Variants in KLRG2 observed in about 807,000 individuals in gnomAD.
KLRG2 encodes the protein killer cell lectin-like receptor subfamily G member 2.
Under a neutral mutation model 35.4 loss-of-function variants are expected in KLRG2, and 39 were observed. The observed-to-expected ratio is 1.10, with a 90% confidence interval of 0.85 to 1.44. KLRG2 has a LOEUF of 1.44. Ranked by LOEUF, KLRG2 falls within the 40% of genes most tolerant of loss-of-function variation. The pLI, the probability that KLRG2 is intolerant of heterozygous loss-of-function variation, is 0.00. For missense variants in KLRG2, 632 were observed against 570.9 expected (o/e 1.11, Z -1.09); for synonymous variants, 283 against 265.8 (o/e 1.06, Z -0.63).
intron 3 of KLRG2, among the ~76,000 whole-genome samples, chr7:139,468,999 C>T (rs1338104306): frequency 1.3e-5 from 2 of 152,136 alleles, no homozygotes; most frequent in Non-Finnish European, 1.5e-5. Context: ...AGAAGGGCCA[C>T]TACCTGAAAG....
At position 139,483,119 on chromosome 7, in the gene KLRG2, G is replaced by A. The variant is rs1390722091; in HGVS notation, c.524C>T (p.Ala175Val). 2 of 1,477,718 alleles carry A rather than the reference G, an allele frequency of 1.4e-6. No individual in the cohort carries two copies. The highest frequency in any genetic ancestry group is 2.9e-5 in the East Asian group (1 of 34,124). 91.5% of individuals were successfully genotyped at this position (1,477,718 alleles called of 1,614,324 possible). Reference sequence around the variant, plus strand: ...GCCCCACGTGCCGCCCTGGGATGGTGCGCGCAGCAGGAGCTGGTGCGCCGG... The same window carrying A: ...GCCCCACGTGCCGCCCTGGGATGGTACGCGCAGCAGGAGCTGGTGCGCCGG... ...ADPAHQLLLR[A>V]PSQGGTWGRR... The change falls in exon 1 of 5, where the codon GCA becomes GTA. Residue 175 changes from alanine (A) to valine (V), a missense_variant. Ala to Val is a moderately conservative substitution (Grantham distance 64). Coordinates refer to ENST00000340940, the MANE Select transcript of KLRG2 (RefSeq NM_198508.4).
chr7:139,473,018 G>A (rs1273117120), intron 3 of KLRG2, among the ~76,000 whole-genome samples: 4 of 152,182 alleles, frequency 2.6e-5, no homozygotes, highest in African/African-American at 7.2e-5. Flanking sequence ...GCGGTGGCTC[G>A]CGCCTGTAAT....
intron 3 of KLRG2, among the ~76,000 whole-genome samples, chr7:139,466,142 C>G (rs1376296141): frequency 6.6e-6 from 1 of 152,188 alleles, no homozygotes. Context: ...TTCAGGCCCC[C>G]TCCCTTCCCT....
intron 3 of KLRG2, among the ~76,000 whole-genome samples, chr7:139,462,821 C>G (rs1400920354): frequency 6.6e-6 from 1 of 151,094 alleles, no homozygotes; most frequent in Non-Finnish European, 1.5e-5. Context: ...AATCTTGCTT[C>G]TTTCCCTCCC....
chr7:139,433,176 C>G, the KLRG2 span, among the ~76,000 whole-genome samples: 41 of 152,168 alleles, frequency 2.7e-4, no homozygotes, highest in Admixed American at 2.7e-3. Flanking sequence ...ACCAGACTTT[C>G]ACTCAGTCTC....
the KLRG2 span, among the ~76,000 whole-genome samples, chr7:139,438,340 TC>T: frequency 6.6e-6 from 1 of 152,194 alleles, no homozygotes; most frequent in South Asian, 2.1e-4. Flanking sequence ...CAAGTGATCC[TC>T]CCACCTGAGT....
intron 3 of KLRG2, among the ~76,000 whole-genome samples, chr7:139,473,513 G>A (rs949424686): frequency 1.3e-5 from 2 of 151,996 alleles, no homozygotes; most frequent in African/African-American, 4.8e-5. Context: ...CTGTAATTTA[G>A]TACTTTACTC....
Position 139,483,645 on chromosome 7 carries a change from C to G in KLRG2, c.-3G>C, listed in dbSNP as rs1283719157. 2.7e-6 allele frequency: 4 copies of G among 1,498,500 alleles called. No individual in the cohort carries two copies. The highest frequency in any genetic ancestry group is 2.6e-5 in the East Asian group (1 of 38,870). The allele number at this position is 1,498,500 out of a possible 1,614,324, so 92.8% of individuals were successfully genotyped here. On this transcript the variant is annotated 5_prime_UTR_variant, in exon 1 of 5. Transcript: ENST00000340940. ...GCAGCCTCCCAAGACTCCTCCATCC[C>G]GCGCGCCCCGCCACCCGGAGACGCT...
downstream of KLRG2, among the ~76,000 whole-genome samples, chr7:139,449,731 C>A (rs1429321585): frequency 7.3e-6 from 1 of 136,546 alleles, no homozygotes; most frequent in African/African-American, 2.8e-5. Flanking sequence ...ACGGAGTCTC[C>A]CTCTGTCACC....
intron 1 of KLRG2, among the ~76,000 whole-genome samples, chr7:139,481,859 G>A (rs1180252949): frequency 6.6e-6 from 1 of 151,888 alleles, no homozygotes; most frequent in South Asian, 2.1e-4. Flanking sequence ...TCCAGGAGGC[G>A]AAGGTTGCAG....
At chr7:139,441,566 G>C in the KLRG2 span, among the ~76,000 whole-genome samples, 1 of 151,876 alleles carries the variant, frequency 6.6e-6, no homozygotes, top group Non-Finnish European at 1.5e-5. Context: ...ATAAACCTAT[G>C]TAACAAACCT....
intron 3 of KLRG2, among the ~76,000 whole-genome samples, chr7:139,454,525 G>A (rs376320584): frequency 6.6e-5 from 10 of 152,160 alleles, no homozygotes; most frequent in African/African-American, 2.4e-4. Context: ...CTCAGAAAGC[G>A]AGGGAGGTGG....
downstream of KLRG2, among the ~76,000 whole-genome samples, chr7:139,452,239 A>T (rs889086543): frequency 6.6e-6 from 1 of 151,662 alleles, no homozygotes; most frequent in East Asian, 1.9e-4. Context: ...GCCTCCCAAA[A>T]TGCTGGGATT....
downstream of KLRG2, chr7:139,452,657 G>A (rs1796393360): frequency 1.3e-5 from 2 of 152,342 alleles, no homozygotes; most frequent in South Asian, 4.1e-4. Flanking sequence ...CGCAGGCCCA[G>A]GCTCCTGCTG....
intron 3 of KLRG2, among the ~76,000 whole-genome samples, chr7:139,460,713 C>A (rs1796554100): frequency 6.6e-6 from 1 of 151,916 alleles, no homozygotes; most frequent in Non-Finnish European, 1.5e-5. Context: ...AATCTCAGCA[C>A]TTTGGGAGGC....
At position 139,454,230 on chromosome 7, in the gene KLRG2, A is replaced by T; in HGVS notation, c.1006-16T>A. 1 of 1,285,468 alleles carries T rather than the reference A, an allele frequency of 7.8e-7. No homozygotes were observed. Among genetic ancestry groups the T allele is most frequent in the Non-Finnish European group, 1.1e-6 (1 of 906,960 alleles). The allele number at this position is 1,285,468 out of a possible 1,614,324, so 79.6% of individuals were successfully genotyped here. A position where few individuals can be genotyped will look rare whatever the true frequency, so the allele number is the denominator to read the frequency against. The stretch of plus-strand genomic sequence containing the variant: ...CCAGGAAGTCCTGAGGGAGAAAAGT[A>T]AGCTGGTCACTCCCCTGGACACTGG... On this transcript the variant is annotated splice_polypyrimidine_tract_variant and intron_variant, in intron 3 of 4. Transcript: ENST00000340940.
chr7:139,454,551 C>T (rs564214254), intron 3 of KLRG2, among the ~76,000 whole-genome samples: 96 of 152,082 alleles, frequency 6.3e-4, no homozygotes, highest in African/African-American at 2.2e-3. Flanking sequence ...CACGGTGGCT[C>T]ATGCCTGTAA....
chr7:139,443,900 C>T, the KLRG2 span, among the ~76,000 whole-genome samples: 3 of 152,116 alleles, frequency 2.0e-5, no homozygotes, highest in Admixed American at 6.6e-5. Context: ...GCAAGGAAGC[C>T]AGTAGTAGCT....
Position 139,454,246 on chromosome 7 carries a change from T to C in KLRG2, c.1006-32A>G, listed in dbSNP as rs973154138. On this transcript the variant is annotated intron_variant, in intron 3 of 4. Coordinates refer to ENST00000340940, the MANE Select transcript of KLRG2 (RefSeq NM_198508.4). ...GAGAAAAGTAAGCTGGTCACTCCCC[T>C]GGACACTGGCGTGGCTTGCCTGGGG... 31 of 1,091,656 alleles carry C rather than the reference T, an allele frequency of 2.8e-5. No individual in the cohort carries two copies. In the African/African-American group the frequency reaches 4.4e-4, roughly 16 times the overall value. 67.6% of individuals were successfully genotyped at this position (1,091,656 alleles called of 1,614,324 possible).
Sources: gnomAD v4.1 joint callset for allele counts (sites outside exome capture counted in the v4.1 genomes callset) on GRCh38, gnomAD v4.1.1 for gene constraint, MANE v1.5 for transcripts, NCBI Gene and HGNC (gene_info 2026-07-23, HGNC 2026-07-21) for gene names.